RARB: variants seen among roughly 807,000 people sequenced by gnomAD.
RARB encodes the protein HBV-activated protein.
RARB carries 17 observed loss-of-function variants against 51.9 expected under a neutral mutation model. The observed-to-expected ratio is 0.33, with a 90% CI of 0.22 to 0.49. The LOEUF is 0.49. Ranked by LOEUF, RARB falls within the 20% of genes least tolerant of loss-of-function variation. The probability of loss-of-function intolerance (pLI) is 0.99; values close to 1 mark genes in which losing one functional copy is unlikely to be tolerated. For synonymous variants in RARB, 215 were observed against 195.4 expected (o/e 1.10, Z -0.84); for missense variants, 369 against 550.8 (o/e 0.67, Z 3.30).
intron 5 of RARB, among the ~76,000 whole-genome samples, chr3:25,217,008 G>T (rs188802002): frequency 6.6e-6 from 1 of 152,126 alleles, no homozygotes; most frequent in East Asian, 1.9e-4. Flanking sequence ...TTTAAGGATG[G>T]CTTCTTAGGT....
chr3:25,010,230 CT>C (rs1239736836), intron 2 of RARB, among the ~76,000 whole-genome samples: 1 of 152,036 alleles, frequency 6.6e-6, no homozygotes, highest in Non-Finnish European at 1.5e-5. Context: ...TCTTAAATGT[CT>C]TTCCTACAGT....
intron 2 of RARB, among the ~76,000 whole-genome samples, chr3:25,041,940 G>T (rs1015166720): frequency 6.6e-6 from 1 of 152,128 alleles, no homozygotes; most frequent in Non-Finnish European, 1.5e-5. Flanking sequence ...AATTGATGTT[G>T]CAGTTAAAGC....
chr3:24,831,014 C>T (rs186281953), intron 1 of RARB, among the ~76,000 whole-genome samples: 22 of 152,232 alleles, frequency 1.4e-4, no homozygotes, highest in African/African-American at 5.1e-4. Context: ...GTCTAAAACC[C>T]TCTCTGAAGT....
intron 2 of RARB, among the ~76,000 whole-genome samples, chr3:24,913,402 C>CTT (rs66779362): frequency 0.024 from 2,624 of 108,276 alleles, 107 homozygotes; most frequent in African/African-American, 0.068. Context: ...CTCTCTCTCT[C>CTT]TTTTTTTTTT....
At chr3:25,451,423 T>C (rs528327165) in intron 1 of RARB, among the ~76,000 whole-genome samples, 4 of 152,338 alleles carry the variant, frequency 2.6e-5, no homozygotes, top group East Asian at 3.9e-4. Context: ...TGCAGGCTCA[T>C]GGCATTTTCT....
intron 5 of RARB, among the ~76,000 whole-genome samples, chr3:25,186,417 G>A (rs990303814): frequency 2.0e-5 from 3 of 152,002 alleles, no homozygotes; most frequent in African/African-American, 2.4e-5. Flanking sequence ...ATTCAGATTC[G>A]ATTTCAACCA....
intron 2 of RARB, among the ~76,000 whole-genome samples, chr3:24,995,831 A>G (rs1054859084): frequency 7.9e-5 from 12 of 152,164 alleles, no homozygotes; most frequent in Admixed American, 2.0e-4. Flanking sequence ...ACATTGCACT[A>G]TATTTTTGAT....
chr3:25,357,966 G>T (rs191306753), intron 5 of RARB, among the ~76,000 whole-genome samples: 118 of 152,226 alleles, frequency 7.8e-4, no homozygotes, highest in African/African-American at 2.8e-3. Flanking sequence ...TGTTATTTTT[G>T]CTTAGGATTG....
chr3:24,860,152 G>T (rs1001856191), intron 2 of RARB, among the ~76,000 whole-genome samples: 1 of 152,144 alleles, frequency 6.6e-6, no homozygotes, highest in Non-Finnish European at 1.5e-5. Flanking sequence ...TGTCAGAGGG[G>T]TTAGTGCCTC....
intron 3 of RARB, among the ~76,000 whole-genome samples, chr3:25,072,049 G>C (rs557646270): frequency 9.2e-5 from 14 of 152,318 alleles, no homozygotes; most frequent in African/African-American, 2.9e-4. Context: ...GCCCTGTGGC[G>C]GTTCTTATCT....
intron 2 of RARB, among the ~76,000 whole-genome samples, chr3:25,464,234 T>G (rs1695325097): frequency 6.6e-6 from 1 of 152,182 alleles, no homozygotes; most frequent in Non-Finnish European, 1.5e-5. Flanking sequence ...TGGCACATAC[T>G]AGGAGCTGCA....
intron 2 of RARB, among the ~76,000 whole-genome samples, chr3:25,026,735 GA>G (rs372668663): frequency 2.0e-5 from 3 of 152,032 alleles, no homozygotes; most frequent in Non-Finnish European, 4.4e-5. Context: ...TCTATGGAGA[GA>G]AAAAAATACT....
At chr3:25,367,758 C>A (rs148676409) in intron 5 of RARB, among the ~76,000 whole-genome samples, 6 of 149,436 alleles carry the variant, frequency 4.0e-5, no homozygotes, top group Non-Finnish European at 8.9e-5. Context: ...CCCAGAAGAT[C>A]GCACCCCTGC....
chr3:25,320,338 A>ATATT lies in RARB; in HGVS notation c.179-140854_179-140851dup, dbSNP rs1326346056. ...TAATGTCTTATCACCACCCCATAAG[A>ATATT]TATTATTTTCTCTGTAGTAGTACTT... On this transcript the variant is annotated intron_variant, in intron 5 of 11. Coordinates refer to the RARB transcript ENST00000383772. Among the ~76,000 whole-genome samples, 7 of 152,244 alleles carry ATATT rather than the reference A, an allele frequency of 4.6e-5. No homozygotes were observed. In the East Asian group the frequency reaches 1.3e-3, roughly 29 times the overall value.
chr3:25,183,575 A>C (rs1304035592), intron 5 of RARB, among the ~76,000 whole-genome samples: 2 of 152,162 alleles, frequency 1.3e-5, no homozygotes, highest in Non-Finnish European at 2.9e-5. Flanking sequence ...GTTCATATTC[A>C]AGTTTCAGTC....
intron 1 of RARB, among the ~76,000 whole-genome samples, chr3:24,850,822 A>G (rs1254688253): frequency 6.6e-6 from 1 of 152,172 alleles, no homozygotes; most frequent in Non-Finnish European, 1.5e-5. Flanking sequence ...TGCATTTTTA[A>G]CAAGCTTGCA....
rs145392944 is a variant in RARB at position 25,346,695 on chromosome 3, G to A, written c.179-114498G>A. 2.6e-5 allele frequency among the ~76,000 whole-genome samples: 4 copies of A among 152,306 alleles called. No homozygotes were observed. In the East Asian group the frequency reaches 5.8e-4, roughly 22 times the overall value. ...ATTGCTGCCTCCGTCAACACAGGATGTTTTGACATAGCTGTTTGGACAAGG... is the reference window on the plus strand; with the variant it reads ...ATTGCTGCCTCCGTCAACACAGGATATTTTGACATAGCTGTTTGGACAAGG... On this transcript the variant is annotated intron_variant, in intron 5 of 11. Coordinates refer to the RARB transcript ENST00000383772.
At chr3:24,846,516 A>G (rs1285580398) in intron 1 of RARB, among the ~76,000 whole-genome samples, 1 of 152,222 alleles carries the variant, frequency 6.6e-6, no homozygotes, top group South Asian at 2.1e-4. Flanking sequence ...AGAAGGGAAT[A>G]TGCTCTTCCT....
At chr3:25,536,484 G>GA (rs1460124132) in intron 3 of RARB, among the ~76,000 whole-genome samples, 9 of 152,172 alleles carry the variant, frequency 5.9e-5, no homozygotes, top group African/African-American at 2.2e-4. Context: ...CACCATGGGG[G>GA]AAAAACGACA....
Sources: gnomAD v4.1 joint callset for allele counts (sites outside exome capture counted in the v4.1 genomes callset) on GRCh38, gnomAD v4.1.1 for gene constraint, MANE v1.5 for transcripts, NCBI Gene and HGNC (gene_info 2026-07-23, HGNC 2026-07-21) for gene names.